Variants in UNC5C observed in about 807,000 individuals in gnomAD.
The protein encoded by UNC5C is unc-5 netrin receptor C.
A neutral mutation model predicts 99.8 loss-of-function variants in UNC5C; 47 were observed. That is an observed-to-expected ratio of 0.47 (90% confidence interval 0.37 to 0.60). UNC5C has a LOEUF of 0.60. Among genes scored for constraint, UNC5C ranks in the 20% least tolerant of loss-of-function variants. UNC5C has a pLI of 0.00. For synonymous variants in UNC5C, 487 were observed against 452.2 expected (o/e 1.08, Z -0.98); for missense variants, 1,062 against 1,165.9 (o/e 0.91, Z 1.30).
chr4:95,506,764 T>C (rs1020093944), intron 1 of UNC5C, among the ~76,000 whole-genome samples: 1 of 151,780 alleles, frequency 6.6e-6, no homozygotes, highest in Non-Finnish European at 1.5e-5. Flanking sequence ...ATACACACAA[T>C]ATGGTGATAA....
chr4:95,202,581 C>CT, intron 12 of UNC5C, 150 bp downstream of exon 12: 1 of 716,378 alleles, frequency 1.4e-6, no homozygotes, highest in South Asian at 1.8e-5. Context: ...AGAGAAATGT[C>CT]TATCTTTTTT....
intron 2 of UNC5C, among the ~76,000 whole-genome samples, chr4:95,310,535 G>A (rs1742239259): frequency 1.3e-5 from 2 of 152,072 alleles, no homozygotes. Flanking sequence ...AAAACATCAT[G>A]TTATTCACCA....
intron 3 of UNC5C, among the ~76,000 whole-genome samples, chr4:95,299,056 T>C (rs4699847): frequency 0.76 from 115,886 of 152,088 alleles, 45,029 homozygotes; most frequent in African/African-American, 0.92. Flanking sequence ...CTACATCCCA[T>C]TCCCCCAAAT....
Position 95,464,785 on chromosome 4 carries a change from G to T in UNC5C, c.124+83949C>A, listed in dbSNP as rs540369187. Among the ~76,000 whole-genome samples, 5 of 152,234 alleles carry T rather than the reference G, an allele frequency of 3.3e-5. No individual in the cohort carries two copies. In the East Asian group the frequency reaches 9.7e-4, roughly 29 times the overall value. On this transcript the variant is annotated intron_variant, in intron 1 of 15. Transcript: ENST00000453304. ...AATAGGCTTTTGTTTCAACCTGAGG[G>T]TGTATTCCCACCTATACCTCATGTA...
intron 2 of UNC5C, among the ~76,000 whole-genome samples, chr4:95,303,062 G>A (rs1456118601): frequency 1.3e-5 from 2 of 152,082 alleles, no homozygotes; most frequent in Non-Finnish European, 2.9e-5. Flanking sequence ...AGCAGGAAAG[G>A]GAATTAGGAG....
intron 1 of UNC5C, among the ~76,000 whole-genome samples, chr4:95,421,276 T>A (rs950739817): frequency 6.6e-6 from 1 of 152,170 alleles, no homozygotes; most frequent in Non-Finnish European, 1.5e-5. Context: ...TGTAGTTTAT[T>A]CTTCATAAAG....
intron 10 of UNC5C, among the ~76,000 whole-genome samples, chr4:95,212,527 C>CA (rs749821622): frequency 4.6e-5 from 7 of 152,140 alleles, no homozygotes; most frequent in Non-Finnish European, 1.0e-4. Context: ...CTTATCCTTA[C>CA]ATGTTCTATC....
At chr4:95,254,002 C>T (rs1045728864) in intron 4 of UNC5C, among the ~76,000 whole-genome samples, 2 of 152,112 alleles carry the variant, frequency 1.3e-5, no homozygotes, top group African/African-American at 4.8e-5. Flanking sequence ...ATTGTTTCTT[C>T]TGAAGTCCTC....
At chr4:95,350,994 C>T (rs1472781839) in intron 1 of UNC5C, among the ~76,000 whole-genome samples, 1 of 147,248 alleles carries the variant, frequency 6.8e-6, no homozygotes, top group African/African-American at 2.4e-5. Context: ...CTCAGAGCAA[C>T]ATCTAGATTA....
intron 7 of UNC5C, among the ~76,000 whole-genome samples, chr4:95,222,421 C>T (rs1738504390): frequency 6.6e-6 from 1 of 152,220 alleles, no homozygotes; most frequent in South Asian, 2.1e-4. Flanking sequence ...TTTTGCATCT[C>T]CTGTCTGCTC....
intron 7 of UNC5C, among the ~76,000 whole-genome samples, chr4:95,235,101 A>G (rs1380595095): frequency 2.6e-5 from 4 of 152,190 alleles, no homozygotes; most frequent in African/African-American, 7.2e-5. Flanking sequence ...GTTTCATACA[A>G]CTAGGGTTTT....
At chr4:95,213,941 G>A (rs1210758509) in intron 10 of UNC5C, among the ~76,000 whole-genome samples, 3 of 152,314 alleles carry the variant, frequency 2.0e-5, no homozygotes, top group Admixed American at 2.0e-4. Context: ...AAAGTGCTTT[G>A]TGATCAGAAA....
chr4:95,424,688 A>AT lies in UNC5C; in HGVS notation c.125-89058dup, dbSNP rs368111024. On this transcript the variant is annotated intron_variant, in intron 1 of 15. Transcript: ENST00000453304. ...AGGTGCCCCCCACCACGCCCAGCTA[A>AT]TTTTTTTGTATTTTTTAGTAGAGAC... is the stretch of plus-strand genomic sequence containing the variant. Among the ~76,000 whole-genome samples, 586 of 149,330 alleles carry AT rather than the reference A, an allele frequency of 3.9e-3. 2 individuals are homozygous for AT. The highest frequency in any genetic ancestry group is 0.014 in the African/African-American group (561 of 40,818).
At chr4:95,174,868 G>C (rs374698059) in intron 14 of UNC5C, among the ~76,000 whole-genome samples, 3 of 149,756 alleles carry the variant, frequency 2.0e-5, no homozygotes, top group African/African-American at 4.9e-5. Context: ...TTATTAATGT[G>C]TGGGAGTCTA....
chr4:95,465,003 C>T (rs17024003), intron 1 of UNC5C, among the ~76,000 whole-genome samples: 2,795 of 152,192 alleles, frequency 0.018, 88 homozygotes, highest in African/African-American at 0.063. Context: ...TGGAGCTTTT[C>T]ACAGAGAGAT....
At chr4:95,271,355 G>A (rs867053919) in intron 4 of UNC5C, among the ~76,000 whole-genome samples, 4 of 152,120 alleles carry the variant, frequency 2.6e-5, no homozygotes, top group South Asian at 4.1e-4. Context: ...AGCCTCCCGC[G>A]TAGCTGGGAC....
At chr4:95,433,299 CATAAAA>C (rs1417943142) in intron 1 of UNC5C, among the ~76,000 whole-genome samples, 1 of 151,956 alleles carries the variant, frequency 6.6e-6, no homozygotes, top group Non-Finnish European at 1.5e-5. Flanking sequence ...GTATCAATTC[CATAAAA>C]ATAAAAAATC....
chr4:95,204,950 A>C (rs1737819028), intron 11 of UNC5C, among the ~76,000 whole-genome samples: 1 of 152,124 alleles, frequency 6.6e-6, no homozygotes, highest in African/African-American at 2.4e-5. Flanking sequence ...CCCCCAGAGG[A>C]AGCCCCTAAA....
intron 12 of UNC5C, among the ~76,000 whole-genome samples, chr4:95,196,237 G>A (rs758468694): frequency 4.0e-4 from 61 of 152,084 alleles, no homozygotes; most frequent in Non-Finnish European, 8.1e-4. Flanking sequence ...ATAATGAAAG[G>A]AAAACACCTT....
Sources: allele counts gnomAD v4.1 joint callset (sites outside exome capture counted in the v4.1 genomes callset), GRCh38; gene constraint gnomAD v4.1.1; transcripts MANE v1.5; gene names NCBI Gene and HGNC (gene_info 2026-07-23, HGNC 2026-07-21).